Variants in PTPRD observed in about 807,000 individuals in gnomAD.
The protein encoded by PTPRD is protein tyrosine phosphatase receptor type D.
PTPRD carries 34 observed loss-of-function variants against 214.5 expected under a neutral mutation model. The ratio of observed to expected loss-of-function variants is 0.16; its 90% confidence interval spans 0.12 to 0.21. PTPRD has a LOEUF of 0.21. Ranked by LOEUF, PTPRD falls within the 10% of genes least tolerant of loss-of-function variation. PTPRD has a pLI of 1.00. For synonymous variants in PTPRD, 1,128 were observed against 845.7 expected (o/e 1.33, Z -5.79); for missense variants, 2,545 against 2,398.7 (o/e 1.06, Z -1.27).
At chr9:8,323,161 C>T (rs1830136305) in intron 44 of PTPRD, among the ~76,000 whole-genome samples, 1 of 152,076 alleles carries the variant, frequency 6.6e-6, no homozygotes, top group African/African-American at 2.4e-5. Flanking sequence ...CATTTTAAGG[C>T]CACTCTTGAG....
intron 11 of PTPRD, among the ~76,000 whole-genome samples, chr9:8,871,191 C>A (rs751605385): frequency 6.6e-6 from 1 of 152,130 alleles, no homozygotes; most frequent in Non-Finnish European, 1.5e-5. Context: ...AAACATACAA[C>A]CAAAACAAAT....
chr9:9,619,711 A>T (rs971096845), intron 7 of PTPRD, among the ~76,000 whole-genome samples: 2 of 145,798 alleles, frequency 1.4e-5, no homozygotes, highest in African/African-American at 5.0e-5. Context: ...AAATATATGT[A>T]TTTATATATA....
intron 5 of PTPRD, among the ~76,000 whole-genome samples, chr9:9,804,700 CTT>C (rs910981335): frequency 2.0e-5 from 3 of 151,904 alleles, no homozygotes; most frequent in Non-Finnish European, 4.4e-5. Flanking sequence ...CTAAACAAGA[CTT>C]TGAGCTAATA....
chr9:10,238,260 C>T (rs1046761152), intron 3 of PTPRD, among the ~76,000 whole-genome samples: 4 of 151,702 alleles, frequency 2.6e-5, no homozygotes, highest in African/African-American at 9.7e-5. Flanking sequence ...GCTGCTGAAA[C>T]TGCCTGTTGT....
intron 5 of PTPRD, among the ~76,000 whole-genome samples, chr9:9,868,857 C>T (rs1236119709): frequency 6.6e-6 from 1 of 152,058 alleles, no homozygotes; most frequent in Non-Finnish European, 1.5e-5. Context: ...GATAGAGAAA[C>T]TTCTACAAAC....
intron 5 of PTPRD, among the ~76,000 whole-genome samples, chr9:9,860,111 C>G (rs1308074463): frequency 1.3e-5 from 2 of 152,162 alleles, no homozygotes; most frequent in African/African-American, 4.8e-5. Flanking sequence ...TGAACAATAT[C>G]TACTATAAAA....
chr9:9,391,792 C>A (rs930335282), intron 9 of PTPRD, among the ~76,000 whole-genome samples: 7 of 152,172 alleles, frequency 4.6e-5, no homozygotes, highest in Non-Finnish European at 2.9e-5. Context: ...GGAAATGCCA[C>A]TGTATTTCTA....
intron 5 of PTPRD, among the ~76,000 whole-genome samples, chr9:9,936,144 T>A (rs887205063): frequency 2.2e-4 from 32 of 147,362 alleles, no homozygotes; most frequent in Non-Finnish European, 3.4e-4. Flanking sequence ...AACCTAGGCA[T>A]TACCATTCAG....
chr9:9,550,039 C>T (rs1372469397), intron 8 of PTPRD, among the ~76,000 whole-genome samples: 1 of 151,924 alleles, frequency 6.6e-6, no homozygotes, highest in East Asian at 1.9e-4. Context: ...TTAAATGTTG[C>T]TGTGAATATA....
At chr9:8,799,339 T>C (rs912101675) in intron 11 of PTPRD, among the ~76,000 whole-genome samples, 3 of 152,216 alleles carry the variant, frequency 2.0e-5, no homozygotes, top group Non-Finnish European at 2.9e-5. Flanking sequence ...AAAGAATCCC[T>C]GGAGGCAGCT....
chr9:10,135,962 C>T (rs931446576), intron 3 of PTPRD, among the ~76,000 whole-genome samples: 1 of 150,658 alleles, frequency 6.6e-6, no homozygotes, highest in African/African-American at 2.4e-5. Flanking sequence ...AAAAATAAGG[C>T]CCAACCAGCT....
intron 11 of PTPRD, among the ~76,000 whole-genome samples, chr9:9,014,440 T>A (rs1018070052): frequency 6.6e-6 from 1 of 152,148 alleles, no homozygotes; most frequent in Non-Finnish European, 1.5e-5. Context: ...CTTTTCTACA[T>A]ACTAAATTCA....
chr9:9,284,414 A>G (rs1948725309), intron 9 of PTPRD, among the ~76,000 whole-genome samples: 1 of 151,634 alleles, frequency 6.6e-6, no homozygotes, highest in Non-Finnish European at 1.5e-5. Context: ...CTCTCCCTGA[A>G]TGCCTTGGTT....
chr9:9,882,244 G>T (rs141681405), intron 5 of PTPRD, among the ~76,000 whole-genome samples: 39 of 151,778 alleles, frequency 2.6e-4, no homozygotes, highest in African/African-American at 6.3e-4. Context: ...TCATTTTTTT[G>T]ATTGTAAGCA....
chr9:8,631,873 A>C (rs569845032), intron 14 of PTPRD, among the ~76,000 whole-genome samples: 11 of 151,926 alleles, frequency 7.2e-5, no homozygotes, highest in African/African-American at 2.2e-4. Flanking sequence ...ATACTTTGTC[A>C]ACATTTCTAT....
At chr9:9,505,639 C>T (rs1286939784) in intron 8 of PTPRD, among the ~76,000 whole-genome samples, 1 of 151,310 alleles carries the variant, frequency 6.6e-6, no homozygotes, top group Non-Finnish European at 1.5e-5. Flanking sequence ...TGATAGGTGG[C>T]AAGGTTTCAT....
rs2099178898 is a variant in PTPRD, at chr9:8,964,452, C to A, written c.-104+54245G>T. Among the ~76,000 whole-genome samples, 6 of 139,488 alleles carry A rather than the reference C, an allele frequency of 4.3e-5. No homozygotes were observed. The Admixed American group carries it at 4.3e-4, about 10-fold the overall frequency. The allele number at this position is 139,488 out of a possible 152,430, so 91.5% of individuals were successfully genotyped here. ...GCTTATTTAGATCTTCTCTTTTTGT[C>A]ATTGTTAATCTAGTTAGTAGCCTAT... On this transcript the variant is annotated intron_variant, in intron 11 of 45. Transcript: ENST00000381196.
chr9:8,770,213 G>A (rs901912551), intron 11 of PTPRD, among the ~76,000 whole-genome samples: 1 of 151,988 alleles, frequency 6.6e-6, no homozygotes, highest in Non-Finnish European at 1.5e-5. Flanking sequence ...ACCGGGAGAA[G>A]TGGAGGTTGC....
At chr9:9,669,327 T>A (rs968369810) in intron 7 of PTPRD, among the ~76,000 whole-genome samples, 2 of 152,170 alleles carry the variant, frequency 1.3e-5, no homozygotes, top group Non-Finnish European at 2.9e-5. Context: ...GATAGTAGCA[T>A]CTTGTTCCTG....
Sources: allele counts gnomAD v4.1 joint callset (sites outside exome capture counted in the v4.1 genomes callset), GRCh38; gene constraint gnomAD v4.1.1; transcripts MANE v1.5; gene names NCBI Gene and HGNC (gene_info 2026-07-23, HGNC 2026-07-21).